Variants in ST14 observed in about 807,000 individuals in gnomAD.
ST14 encodes the protein ST14 transmembrane serine protease matriptase, also known as suppressor of tumorigenicity 14 protein.
A neutral mutation model predicts 96.5 loss-of-function variants in ST14; 40 were observed. The observed-to-expected ratio is 0.41, with a 90% CI of 0.32 to 0.54. The LOEUF is 0.54. ST14 is among the 20% of genes least tolerant of loss of function. The pLI is 0.17. For synonymous variants in ST14, 506 were observed against 492.1 expected, an observed-to-expected ratio of 1.03 and a Z score of -0.37; for missense variants, 1,066 against 1,188.9, an observed-to-expected ratio of 0.90 and a Z score of 1.52.
rs375786672 is a variant in ST14, at chr11:130,188,298, G to A, written c.241+25G>A. 1.2e-4 allele frequency: 190 copies of A among 1,605,572 alleles called. No homozygotes were observed. Among genetic ancestry groups the A allele is most frequent in the Middle Eastern group, 3.3e-4 (2 of 6,004 alleles). On this transcript the variant is annotated intron_variant, in intron 2 of 18. Transcript: ENST00000278742. The surrounding 1 kb of genome is among the most constrained non-coding windows in gnomAD (Gnocchi z 5.4). ...TGTGAGTAAAGCTGGGGCTGGCTCC[G>A]GGGAGGACGACAAGGGGTGGCTGTC...
rs529678924 is a variant in ST14, at chr11:130,203,390, C to A, written c.1994+3253C>A. 7.9e-5 allele frequency among the ~76,000 whole-genome samples: 12 copies of A among 152,362 alleles called. No individual in the cohort carries two copies. The East Asian group carries it at 1.9e-3, about 25-fold the overall frequency. On this transcript the variant is annotated intron_variant, in intron 16 of 18. Coordinates refer to ENST00000278742, the MANE Select transcript of ST14 (RefSeq NM_021978.4). ...TCCTAGCTCACTGTAGCCTGGGCAG[C>A]TGCAGCACCCTCCCCATCTACTTCC...
In ST14 at chr11:130,190,427, G is replaced by T. The variant is rs766668707; in HGVS notation, c.635-27G>T. On this transcript the variant is annotated intron_variant, in intron 6 of 18. Coordinates refer to ENST00000278742, the MANE Select transcript of ST14 (RefSeq NM_021978.4). ...GCTCTGCCCAGCCCTGCCCCCACAC[G>T]TGCCCTCCTTCTTGTCTCCTGCGCA... The T allele has an allele frequency of 3.1e-6, 5 of 1,604,366 alleles. No individual in the cohort carries two copies. The African/African-American group carries it at 5.3e-5, about 17-fold the overall frequency.
chr11:130,170,152 G>A (rs1172575252), intron 1 of ST14, among the ~76,000 whole-genome samples: 4 of 152,134 alleles, frequency 2.6e-5, no homozygotes, highest in African/African-American at 2.4e-5. Flanking sequence ...CGGCAAAGTC[G>A]AACTTTAAAT....
intron 15 of ST14, 74 bp downstream of exon 15, chr11:130,199,143 G>C: frequency 6.7e-7 from 1 of 1,498,548 alleles, no homozygotes; most frequent in South Asian, 1.2e-5. Context: ...TGCACCTGGA[G>C]GTGCAATCCC....
chr11:130,194,393 G>T (rs1565625467), intron 8 of ST14, 105 bp downstream of exon 8: 5 of 1,516,012 alleles, frequency 3.3e-6, no homozygotes, highest in Non-Finnish European at 4.5e-6. Context: ...AGACCCTGTG[G>T]TTGGCGAGCT....
chr11:130,198,824 G>C lies in ST14; in HGVS notation c.1685-123G>C, dbSNP rs772781319. 3 of 1,592,520 alleles carry C rather than the reference G, an allele frequency of 1.9e-6. No individual in the cohort carries two copies. The African/African-American group carries it at 4.0e-5, about 21-fold the overall frequency. ...CAGGGCAGGGAGGCCAGTGGGCGTG[G>C]GTGGGGCAGGCCTGGGTGAGGGGGT... On this transcript the variant is annotated intron_variant, in intron 14 of 18. Transcript: ENST00000278742.
intron 1 of ST14, among the ~76,000 whole-genome samples, chr11:130,173,647 A>G (rs2136204900): frequency 6.6e-6 from 1 of 152,114 alleles, no homozygotes; most frequent in African/African-American, 2.4e-5. Context: ...GAAAGACCTT[A>G]ACAGCACAAG....
intron 1 of ST14, among the ~76,000 whole-genome samples, chr11:130,163,419 G>A (rs923437493): frequency 3.3e-5 from 5 of 152,064 alleles, no homozygotes; most frequent in Non-Finnish European, 7.4e-5. Context: ...CTTTTATTTT[G>A]TTTTGTTTTT....
chr11:130,188,678 GT>G lies in ST14; in HGVS notation c.369+22del. The G allele has an allele frequency of 6.2e-7, 1 of 1,614,134 alleles. No homozygotes were observed. Among genetic ancestry groups the G allele is most frequent in the African/African-American group, 1.3e-5 (1 of 75,064 alleles). ...ACGCGGTGAGTGCAGCCTGCCCAGA[GT>G]CCTGCTGGGCTGTGTGCGCTGGTGT... On this transcript the variant is annotated intron_variant, in intron 3 of 18. Transcript: ENST00000278742. The surrounding 1 kb of genome is among the most constrained non-coding windows in gnomAD (Gnocchi z 5.4).
chr11:130,198,342 C>T lies in ST14; in HGVS notation c.1494C>T (p.Asn498=). ...CCGGCCACCAGTTCACGTGCAAGAA[C>T]AAGTTCTGCAAGCCCCTCTTCTGGG... is the stretch of plus-strand genomic sequence containing the variant. ...CDAGHQFTCK[N]KFCKPLFWVC... is the part of the protein sequence containing the mutation. Residue 498 remains asparagine (N), a synonymous_variant, in exon 13 of 19, where the codon AAC becomes AAT. Coordinates refer to ENST00000278742, the MANE Select transcript of ST14 (RefSeq NM_021978.4). The T allele has an allele frequency of 6.2e-7, 1 of 1,614,202 alleles. No individual in the cohort carries two copies. Among genetic ancestry groups the T allele is most frequent in the South Asian group, 1.1e-5 (1 of 91,086 alleles).
At chr11:130,199,154 G>A (rs954936155) in intron 15 of ST14, 85 bp downstream of exon 15, 35 of 1,398,372 alleles carry the variant, frequency 2.5e-5, no homozygotes, top group South Asian at 6.1e-5. Flanking sequence ...GTGCAATCCC[G>A]CCAGCACCTC....
At chr11:130,203,995 C>G (rs1953460612) in intron 16 of ST14, among the ~76,000 whole-genome samples, 1 of 152,192 alleles carries the variant, frequency 6.6e-6, no homozygotes, top group Non-Finnish European at 1.5e-5. Flanking sequence ...TCCACCCCTT[C>G]AGGCCATAGG....
intron 4 of ST14, chr11:130,189,367 C>T (rs1463116082): frequency 4.5e-6 from 2 of 449,022 alleles, no homozygotes; most frequent in East Asian, 4.4e-5. Flanking sequence ...TCGTTTGAAC[C>T]CTGGGGAATG....
At chr11:130,163,171 AGT>A (rs1224872684) in intron 1 of ST14, among the ~76,000 whole-genome samples, 1 of 152,174 alleles carries the variant, frequency 6.6e-6, no homozygotes, top group Non-Finnish European at 1.5e-5. Context: ...CCAGGCTGTC[AGT>A]GGGGCCCTGA....
intron 1 of ST14, among the ~76,000 whole-genome samples, chr11:130,180,229 G>A (rs1953179464): frequency 6.6e-6 from 1 of 152,148 alleles, no homozygotes. Flanking sequence ...CCTGCCCCTT[G>A]ACCTTGATCT....
intron 1 of ST14, among the ~76,000 whole-genome samples, chr11:130,176,364 C>G (rs1953138123): frequency 6.6e-6 from 1 of 151,268 alleles, no homozygotes; most frequent in Non-Finnish European, 1.5e-5. Context: ...CAGGGATTTA[C>G]TTTTCCTTTT....
chr11:130,199,079 G>A lies in ST14; in HGVS notation c.1807+10G>A. 2.5e-6 allele frequency: 4 copies of A among 1,612,510 alleles called. No homozygotes were observed. The highest frequency in any genetic ancestry group is 1.1e-5 in the South Asian group (1 of 90,954). On this transcript the variant is annotated intron_variant, in intron 15 of 18. Transcript: ENST00000278742. ...GATGAGAAGGACTGCGGTGAGCAGG[G>A]CATCCGAGTACGGTTGTGCAGGTTG...
At position 130,201,929 on chromosome 11, in the gene ST14, C is replaced by A. The variant is rs572408285; in HGVS notation, c.1994+1792C>A. The stretch of plus-strand genomic sequence containing the variant: ...TTGTGCCTCTTTGATATGCCCCATT[C>A]TTTCCTTTTTTGAGCCATGTCCTTG... On this transcript the variant is annotated intron_variant, in intron 16 of 18. Transcript: ENST00000278742. Among the ~76,000 whole-genome samples, 5 of 152,342 alleles carry A rather than the reference C, an allele frequency of 3.3e-5. No homozygotes were observed. In the East Asian group the frequency reaches 5.8e-4, roughly 18 times the overall value.
chr11:130,173,489 G>T (rs1047179494), intron 1 of ST14, among the ~76,000 whole-genome samples: 1 of 151,944 alleles, frequency 6.6e-6, no homozygotes, highest in Non-Finnish European at 1.5e-5. Context: ...CCAGCTACTC[G>T]GGAGGCTGAG....
Sources: gnomAD v4.1 joint callset for allele counts (sites outside exome capture counted in the v4.1 genomes callset) on GRCh38, gnomAD v4.1.1 for gene constraint, Gnocchi (gnomAD v3.1) non-coding constraint, MANE v1.5 for transcripts, NCBI Gene and HGNC (gene_info 2026-07-23, HGNC 2026-07-21) for gene names.